Variants in SERINC5 observed in about 807,000 individuals in gnomAD.
SERINC5 encodes chromosome 5 open reading frame 12.
A neutral mutation model predicts 63.1 loss-of-function variants in SERINC5; 41 were observed. That is an observed-to-expected ratio of 0.65 (90% CI 0.51 to 0.84). The LOEUF (loss-of-function observed/expected upper bound fraction) is 0.84, where lower values mean the gene tolerates loss of function less well. SERINC5 is among the 40% of genes least tolerant of loss of function. The probability of loss-of-function intolerance (pLI) is 0.00; values close to 1 mark genes in which losing one functional copy is unlikely to be tolerated. For synonymous variants in SERINC5, 222 were observed against 215.2 expected (o/e 1.03, Z -0.28); for missense variants, 523 against 573.0 (o/e 0.91, Z 0.89).
At chr5:80,162,889 G>C (rs890386247) in intron 7 of SERINC5, among the ~76,000 whole-genome samples, 1 of 151,524 alleles carries the variant, frequency 6.6e-6, no homozygotes, top group African/African-American at 2.4e-5. Flanking sequence ...TCCAGGCTGG[G>C]GTGCAGGGGT....
chr5:80,139,536 C>A lies in SERINC5; in HGVS notation c.*4127G>T, dbSNP rs769207890. On this transcript the variant is annotated 3_prime_UTR_variant, in exon 12 of 12. Coordinates refer to ENST00000507668, the MANE Select transcript of SERINC5 (RefSeq NM_001174072.3). ...GAAAAAAAAAGCTCTTTGGTAAAGG[C>A]CAAATATTTCAACCTTTCAAAATGA... The A allele has an allele frequency of 2.0e-6, 2 of 984,428 alleles. No individual in the cohort carries two copies. The highest frequency in any genetic ancestry group is 2.4e-6 in the Non-Finnish European group (2 of 829,886). The allele number at this position is 984,428 out of a possible 1,614,324, so 61.0% of individuals were successfully genotyped here.
intron 7 of SERINC5, among the ~76,000 whole-genome samples, chr5:80,160,845 T>C (rs1746833867): frequency 6.6e-6 from 1 of 151,984 alleles, no homozygotes; most frequent in South Asian, 2.1e-4. Context: ...GTTCCATCCA[T>C]GTTGCTACAA....
chr5:80,120,509 A>C (rs1357197900), intron 11 of SERINC5, among the ~76,000 whole-genome samples: 1 of 152,134 alleles, frequency 6.6e-6, no homozygotes, highest in African/African-American at 2.4e-5. Context: ...ATTAGGTTAT[A>C]ATATAGTTGC....
intron 2 of SERINC5, chr5:80,198,636 A>G (rs1483930186): frequency 1.0e-6 from 1 of 985,256 alleles, no homozygotes; most frequent in East Asian, 1.1e-4. Context: ...AAGAGGGGGT[A>G]AGGACTCCAG....
rs74971003 is a variant in SERINC5, at chr5:80,198,807, G to C, written c.195+4079C>G. 9.6e-3 allele frequency: 6,143 copies of C among 643,054 alleles called. 33 individuals are homozygous for C. Among genetic ancestry groups the C allele is most frequent in the Middle Eastern group, 0.017 (21 of 1,262 alleles). The allele number at this position is 643,054 out of a possible 1,614,324, so 39.8% of individuals were successfully genotyped here. On this transcript the variant is annotated intron_variant, in intron 2 of 11. Coordinates refer to ENST00000507668, the MANE Select transcript of SERINC5 (RefSeq NM_001174072.3). ...GAGGCCCTAAAGCTGGAAAAGGATT[G>C]GTTTCACCCACAGGGATCTCATTCC... is the stretch of plus-strand genomic sequence containing the variant.
At chr5:80,166,801 C>A in intron 6 of SERINC5, 1 of 210,252 alleles carries the variant, frequency 4.8e-6, no homozygotes, top group Non-Finnish European at 9.8e-6. Context: ...GTTCTTAAAT[C>A]ACAAGATCAG....
At chr5:80,116,400 G>A in intron 11 of SERINC5, 1 of 451,514 alleles carries the variant, frequency 2.2e-6, no homozygotes, top group South Asian at 1.6e-5. Flanking sequence ...ACAGGCCCAG[G>A]CCATCCAGAT....
Position 80,142,296 on chromosome 5 carries a change from T to C in SERINC5, c.*1367A>G. On this transcript the variant is annotated 3_prime_UTR_variant, in exon 12 of 12. Coordinates refer to ENST00000507668, the MANE Select transcript of SERINC5 (RefSeq NM_001174072.3). ...GTATTTTGGAAATTCCTGTGCAGCGTGATCTCGGCTCACTGCAACCTCCGC... is the reference window on the plus strand; with the variant it reads ...GTATTTTGGAAATTCCTGTGCAGCGCGATCTCGGCTCACTGCAACCTCCGC... The C allele has an allele frequency of 2.4e-5, 24 of 985,228 alleles. No homozygotes were observed. Among genetic ancestry groups the C allele is most frequent in the Non-Finnish European group, 2.9e-5 (24 of 829,754 alleles). 61.0% of individuals were successfully genotyped at this position (985,228 alleles called of 1,614,324 possible).
At chr5:80,233,183 T>C (rs547375198) in intron 1 of SERINC5, among the ~76,000 whole-genome samples, 2 of 152,356 alleles carry the variant, frequency 1.3e-5, no homozygotes, top group East Asian at 3.9e-4. Context: ...CCCAGCACTT[T>C]GGGAGGCCAA....
At chr5:80,122,246 CACA>C (rs1469907020) in intron 11 of SERINC5, among the ~76,000 whole-genome samples, 1 of 142,182 alleles carries the variant, frequency 7.0e-6, no homozygotes. Context: ...CTCACACGAT[CACA>C]ACGTCCCACA....
At chr5:80,203,193 A>C in intron 1 of SERINC5, 140 bp from the exon 2 acceptor site, 1 of 776,564 alleles carries the variant, frequency 1.3e-6, no homozygotes, top group East Asian at 2.8e-5. Context: ...ATCGCTTGAG[A>C]CCAGAGTTCA....
At chr5:80,194,344 C>G (rs1178078898) in intron 2 of SERINC5, among the ~76,000 whole-genome samples, 1 of 152,168 alleles carries the variant, frequency 6.6e-6, no homozygotes, top group Non-Finnish European at 1.5e-5. Context: ...TCTGAACATT[C>G]AACCAGTAAA....
At chr5:80,206,104 C>A (rs139833978) in intron 1 of SERINC5, among the ~76,000 whole-genome samples, 1 of 151,656 alleles carries the variant, frequency 6.6e-6, no homozygotes, top group Admixed American at 6.6e-5. Flanking sequence ...GTTAAGCCAA[C>A]AGGGCAATGC....
intron 1 of SERINC5, among the ~76,000 whole-genome samples, chr5:80,231,549 C>T (rs149210993): frequency 6.1e-4 from 93 of 152,156 alleles, no homozygotes; most frequent in African/African-American, 2.2e-3. Flanking sequence ...CAAAACACAA[C>T]CTCCAGCGTC....
intron 1 of SERINC5, among the ~76,000 whole-genome samples, chr5:80,245,011 C>T (rs1161938598): frequency 2.6e-5 from 4 of 152,180 alleles, no homozygotes; most frequent in Admixed American, 2.6e-4. Flanking sequence ...TCTCACTTGA[C>T]TTCAAGTTGT....
Position 80,140,949 on chromosome 5 carries a change from A to C in SERINC5, c.*2714T>G. The C allele has an allele frequency of 1.0e-6, 1 of 985,348 alleles. No individual in the cohort carries two copies. Among genetic ancestry groups the C allele is most frequent in the Non-Finnish European group, 1.2e-6 (1 of 829,876 alleles). 61.0% of individuals were successfully genotyped at this position (985,348 alleles called of 1,614,324 possible). ...ATGTCTATTATTTTTAAAAGATATC[A>C]GTGAGTTAATCAAATTAACACCGTT... On this transcript the variant is annotated 3_prime_UTR_variant, in exon 12 of 12. Coordinates refer to ENST00000507668, the MANE Select transcript of SERINC5 (RefSeq NM_001174072.3).
At chr5:80,164,064 GT>G (rs1385642919) in intron 7 of SERINC5, among the ~76,000 whole-genome samples, 2 of 152,044 alleles carry the variant, frequency 1.3e-5, no homozygotes, top group Non-Finnish European at 2.9e-5. Context: ...TTATTGGCCT[GT>G]TTAGGATTTC....
At chr5:80,229,021 CTTTTTTTTT>C (rs1166636996) in intron 1 of SERINC5, among the ~76,000 whole-genome samples, 5 of 86,056 alleles carry the variant, frequency 5.8e-5, no homozygotes, top group African/African-American at 2.1e-4. Context: ...TTTTACATAC[CTTTTTTTTT>C]TTTTTTTTTT....
chr5:80,152,359 G>A (rs561259885), intron 8 of SERINC5, among the ~76,000 whole-genome samples: 3 of 152,152 alleles, frequency 2.0e-5, no homozygotes, highest in African/African-American at 7.2e-5. Context: ...AAATTAGCCA[G>A]GTGTGGTGGC....
Sources: allele counts gnomAD v4.1 joint callset (sites outside exome capture counted in the v4.1 genomes callset), GRCh38; gene constraint gnomAD v4.1.1; transcripts MANE v1.5; gene names NCBI Gene and HGNC (gene_info 2026-07-23, HGNC 2026-07-21).